PSG4: variants seen among roughly 807,000 people sequenced by gnomAD.
PSG4 encodes the protein pregnancy specific beta-1-glycoprotein 4.
Under a neutral mutation model 44.3 loss-of-function variants are expected in PSG4, and 61 were observed. The observed-to-expected ratio is 1.38, with a 90% CI of 1.12 to 1.70. The LOEUF is 1.70. Ranked by LOEUF, PSG4 falls within the 40% of genes most tolerant of loss-of-function variation. The pLI is 0.00. For missense variants in PSG4, 677 were observed against 511.7 expected (o/e 1.32, Z -3.12); for synonymous variants, 248 against 191.3 (o/e 1.30, Z -2.45).
Position 43,195,205 on chromosome 19 carries a change from A to C in PSG4, c.778T>G (p.Phe260Val), listed in dbSNP as rs375024697. The change falls in exon 4 of 6, where the codon TTC (phenylalanine) becomes GTC (valine). Residue 260 changes from phenylalanine to valine, a missense_variant. By Grantham distance (50) the Phe-to-Val change is conservative. Transcript: ENST00000405312. ...NPRENKDVLT[F>V]TCEPKSKNYT... Reference sequence around the variant, plus strand: ...TTCTTACTCTTAGGTTCACAGGTGAAGGTTAAGACATCCTTATTCTCTCTG... The same window carrying C: ...TTCTTACTCTTAGGTTCACAGGTGACGGTTAAGACATCCTTATTCTCTCTG... 61 of 1,610,222 alleles carry C rather than the reference A, an allele frequency of 3.8e-5. 1 individual carries two copies. The African/African-American group carries it at 7.9e-4, about 21-fold the overall frequency.
intron 5 of PSG4, chr19:43,193,770 A>T (rs1029477532): frequency 1.9e-6 from 1 of 530,644 alleles, no homozygotes. Flanking sequence ...TGAATATAAC[A>T]TCCCAGTCAA....
intron 1 of PSG4, chr19:43,204,877 C>A: frequency 5.1e-6 from 2 of 395,828 alleles, no homozygotes; most frequent in East Asian, 1.5e-4. Context: ...TGTTTCATGT[C>A]CTGCTTATAT....
intron 2 of PSG4, among the ~76,000 whole-genome samples, chr19:43,199,473 A>AT (rs1211676016): frequency 1.4e-5 from 2 of 145,544 alleles, no homozygotes; most frequent in Admixed American, 6.8e-5. Context: ...TCGATTTCTA[A>AT]TTTTTTTATT....
At chr19:43,204,478 C>T (rs1199637281) in intron 1 of PSG4, 2 of 654,846 alleles carry the variant, frequency 3.1e-6, no homozygotes, top group South Asian at 5.2e-5. Context: ...CTGACCTTGG[C>T]ATTTTTCTTT....
At chr19:43,201,538 A>G (rs1160832438) in intron 2 of PSG4, among the ~76,000 whole-genome samples, 2 of 145,294 alleles carry the variant, frequency 1.4e-5, no homozygotes, top group Non-Finnish European at 3.0e-5. Context: ...ATTCATACCT[A>G]TGACTAATGG....
chr19:43,194,659 T>A, intron 4 of PSG4, 65 bp from the exon 5 acceptor site: 8 of 1,558,692 alleles, frequency 5.1e-6, no homozygotes, highest in Non-Finnish European at 6.1e-6. Context: ...CCTGGTCTCT[T>A]AAAGGGACAC....
rs1164716974 is a variant in PSG4 at position 43,194,680 on chromosome 19, T to C, written c.989-86A>G. The C allele has an allele frequency of 3.3e-6, 5 of 1,528,958 alleles. No individual in the cohort carries two copies. The East Asian group carries it at 6.8e-5, about 21-fold the overall frequency. The allele number at this position is 1,528,958 out of a possible 1,614,324, so 94.7% of individuals were successfully genotyped here. A position where few individuals can be genotyped will look rare whatever the true frequency, so the allele number is the denominator to read the frequency against. ...CTCTTAAAGGGACACAGTTACCCTC[T>C]AAGCCAAGACACACCTTCAAGTCCC... On this transcript the variant is annotated intron_variant, in intron 4 of 5. Coordinates refer to ENST00000405312, the MANE Select transcript of PSG4 (RefSeq NM_002780.5).
Position 43,195,334 on chromosome 19 carries a change from A to C in PSG4, c.710-61T>G, listed in dbSNP as rs545673788. The C allele has an allele frequency of 2.4e-4, 387 of 1,584,918 alleles. 9 individuals carry two copies. The highest frequency in any genetic ancestry group is 7.4e-4 in the East Asian group (33 of 44,568). On this transcript the variant is annotated intron_variant, in intron 3 of 5. Coordinates refer to ENST00000405312, the MANE Select transcript of PSG4 (RefSeq NM_002780.5). ...GCACCTTTGATTCCTCCACAGGCATACTTCAATCAGAGTTGGCATCTCCCA... is the reference window on the plus strand; with the variant it reads ...GCACCTTTGATTCCTCCACAGGCATCCTTCAATCAGAGTTGGCATCTCCCA...
At chr19:43,202,436 G>T (rs1212056761) in intron 2 of PSG4, among the ~76,000 whole-genome samples, 6 of 144,818 alleles carry the variant, frequency 4.1e-5, no homozygotes, top group Admixed American at 6.8e-5. Flanking sequence ...TGAAGGACAA[G>T]GGACAGGTGT....
rs1296779978 is a variant in PSG4, at chr19:43,201,221, G to A, written c.430+2665C>T. ...CCAGGCTAACCTTGGGAGGAATTTA[G>A]TTTATGGTTTGACTTTGAAGCAGGA... On this transcript the variant is annotated intron_variant, in intron 2 of 5. Coordinates refer to ENST00000405312, the MANE Select transcript of PSG4 (RefSeq NM_002780.5). Among the ~76,000 whole-genome samples, 4 of 145,568 alleles carry A rather than the reference G, an allele frequency of 2.7e-5. 1 individual carries two copies. The highest frequency in any genetic ancestry group is 4.7e-4 in the East Asian group (2 of 4,220).
chr19:43,194,206 C>G, intron 5 of PSG4, 134 bp downstream of exon 5: 3 of 1,576,352 alleles, frequency 1.9e-6, no homozygotes, highest in Non-Finnish European at 2.6e-6. Flanking sequence ...TGGGAGTGTT[C>G]AGGAGTAGAA....
At chr19:43,200,712 A>G (rs1967469484) in intron 2 of PSG4, among the ~76,000 whole-genome samples, 2 of 145,376 alleles carry the variant, frequency 1.4e-5, no homozygotes, top group South Asian at 4.3e-4. Flanking sequence ...AGTAGCTGGG[A>G]CTACAGGCAT....
chr19:43,194,262 T>C, intron 5 of PSG4, 78 bp downstream of exon 5: 1 of 1,607,414 alleles, frequency 6.2e-7, no homozygotes, highest in Non-Finnish European at 8.5e-7. Flanking sequence ...GGAATAAAAA[T>C]GTTTTCCTCA....
rs1350727061 is a variant in PSG4 at position 43,204,031 on chromosome 19, G to T, written c.285C>A (p.Tyr95Ter). 1.3e-6 allele frequency: 2 copies of T among 1,587,664 alleles called. 1 individual carries two copies. The highest frequency in any genetic ancestry group is 3.4e-5 in the Admixed American group (2 of 58,408). ...TGGAATATACTCTTTCTCTTCCACTGTATGCAGGCCCATATATAATTCTTT... is the reference window on the plus strand; with the variant it reads ...TGGAATATACTCTTTCTCTTCCACTTTATGCAGGCCCATATATAATTCTTT... ...DGQRIIYGPA[Y>*]SGRERVYSNA... Residue 95 changes from tyrosine to a stop codon, truncating the protein, a stop_gained, in exon 2 of 6, where the codon TAC (tyrosine) becomes TAA (stop). Transcript: ENST00000405312. LOFTEE classifies it high-confidence loss of function.
In PSG4 at chr19:43,193,656, C is replaced by A. The variant is rs539200070; in HGVS notation, c.1244-268G>T. 711 of 563,558 alleles carry A rather than the reference C, an allele frequency of 1.3e-3. 5 individuals are homozygous for A. Among genetic ancestry groups the A allele is most frequent in the Non-Finnish European group, 1.7e-3 (530 of 319,818 alleles). 34.9% of individuals were successfully genotyped at this position (563,558 alleles called of 1,614,324 possible). The stretch of plus-strand genomic sequence containing the variant: ...TATTTGCTCTAAGTTTTTATAAGGA[C>A]TCTCAGATTAAACTTTTACAAAACC... On this transcript the variant is annotated intron_variant, in intron 5 of 5. Transcript: ENST00000405312.
intron 3 of PSG4, among the ~76,000 whole-genome samples, chr19:43,196,196 G>A (rs1015745820): frequency 2.0e-5 from 3 of 151,626 alleles, no homozygotes; most frequent in African/African-American, 7.3e-5. Flanking sequence ...GAGAAGTTTT[G>A]CAAATATTTT....
At chr19:43,196,924 G>A (rs1967275013) in intron 3 of PSG4, 1 of 145,718 alleles carries the variant, frequency 6.9e-6, no homozygotes, top group South Asian at 2.2e-4. Context: ...CTAACTTTGG[G>A]TAGTATTGTC....
In PSG4 at chr19:43,198,530, C is replaced by T. The variant is rs541820381; in HGVS notation, c.431-255G>A. On this transcript the variant is annotated intron_variant, in intron 2 of 5. Coordinates refer to ENST00000405312, the MANE Select transcript of PSG4 (RefSeq NM_002780.5). ...AGCAGCATTGGGTCATGGAAAGACA[C>T]AGGACCAGCAGTCACAGACCCGATG... The T allele has an allele frequency of 6.4e-5, 40 of 628,060 alleles. 3 individuals carry two copies. The South Asian group carries it at 1.0e-3, about 16-fold the overall frequency. 38.9% of individuals were successfully genotyped at this position (628,060 alleles called of 1,614,324 possible). A position where few individuals can be genotyped will look rare whatever the true frequency, so the allele number is the denominator to read the frequency against.
chr19:43,194,686 A>G lies in PSG4; in HGVS notation c.989-92T>C, dbSNP rs982380199. ...AAGGGACACAGTTACCCTCTAAGCC[A>G]AGACACACCTTCAAGTCCCAGCCAA... is the stretch of plus-strand genomic sequence containing the variant. On this transcript the variant is annotated intron_variant, in intron 4 of 5. Transcript: ENST00000405312. 29 of 1,515,962 alleles carry G rather than the reference A, an allele frequency of 1.9e-5. 1 individual carries two copies. In the East Asian group the frequency reaches 6.1e-4, roughly 32 times the overall value. 93.9% of individuals were successfully genotyped at this position (1,515,962 alleles called of 1,614,324 possible).
Sources: allele counts gnomAD v4.1 joint callset (sites outside exome capture counted in the v4.1 genomes callset), GRCh38; gene constraint gnomAD v4.1.1; transcripts MANE v1.5; gene names NCBI Gene and HGNC (gene_info 2026-07-23, HGNC 2026-07-21).